Variants in THSD4 observed in about 807,000 individuals in gnomAD.
THSD4 encodes thrombospondin type 1 domain containing 4.
THSD4 carries 69 observed loss-of-function variants against 119.0 expected under a neutral mutation model. The observed-to-expected ratio is 0.58, with a 90% confidence interval of 0.48 to 0.71. The LOEUF is 0.71. Ranked by LOEUF, THSD4 falls within the 30% of genes least tolerant of loss-of-function variation. THSD4 has a pLI of 0.00. For missense variants in THSD4, 1,393 were observed against 1,391.1 expected (o/e 1.00, Z -0.02); for synonymous variants, 524 against 540.4 (o/e 0.97, Z 0.42).
intron 7 of THSD4, among the ~76,000 whole-genome samples, chr15:71,496,909 A>G (rs2048025589): frequency 6.6e-6 from 1 of 152,164 alleles, no homozygotes; most frequent in African/African-American, 2.4e-5. Flanking sequence ...AATGAGATCA[A>G]CCGCTCCAGG....
chr15:71,358,007 A>G (rs774165907), intron 6 of THSD4, among the ~76,000 whole-genome samples: 2 of 152,212 alleles, frequency 1.3e-5, no homozygotes, highest in African/African-American at 2.4e-5. Flanking sequence ...GGACTCAGCT[A>G]TAGACATGAG....
At chr15:71,510,708 G>A (rs2048269803) in intron 7 of THSD4, among the ~76,000 whole-genome samples, 1 of 152,178 alleles carries the variant, frequency 6.6e-6, no homozygotes, top group African/African-American at 2.4e-5. Flanking sequence ...ACGGACCACG[G>A]TCTCTCTACA....
rs573889404 is a variant in THSD4 at position 71,398,332 on chromosome 15, A to G, written c.1016-13355A>G. ...AGGAGTGGTGGGAAAGGAGGAGTATAAAGCTACAACAGGTTCTTGAAGGGA... is the reference window on the plus strand; with the variant it reads ...AGGAGTGGTGGGAAAGGAGGAGTATGAAGCTACAACAGGTTCTTGAAGGGA... On this transcript the variant is annotated intron_variant, in intron 6 of 17. Transcript: ENST00000261862. Among the ~76,000 whole-genome samples, 63 of 152,226 alleles carry G rather than the reference A, an allele frequency of 4.1e-4. 2 individuals are homozygous for G. The highest frequency in any genetic ancestry group is 3.7e-3 in the Admixed American group (56 of 15,292).
chr15:71,314,200 G>A (rs2045154154), intron 6 of THSD4, among the ~76,000 whole-genome samples: 1 of 151,774 alleles, frequency 6.6e-6, no homozygotes, highest in African/African-American at 2.4e-5. Flanking sequence ...ATTATATCTT[G>A]ATTTTTTTTT....
At chr15:71,450,163 C>G (rs2047242198) in intron 7 of THSD4, among the ~76,000 whole-genome samples, 9 of 152,168 alleles carry the variant, frequency 5.9e-5, no homozygotes, top group Admixed American at 5.9e-4. Flanking sequence ...TTGCTTCTTT[C>G]ACTAACCCGC....
In THSD4 at chr15:71,781,523, T is replaced by G. The variant is rs2053998478; in HGVS notation, c.*4149T>G. On this transcript the variant is annotated 3_prime_UTR_variant, in exon 18 of 18. Transcript: ENST00000261862. ...ATCTATAATAACATCAGTTTATCAATGCCCCGTCCTGATGAAGTGTGCAGA... is the reference window on the plus strand; with the variant it reads ...ATCTATAATAACATCAGTTTATCAAGGCCCCGTCCTGATGAAGTGTGCAGA... The G allele has an allele frequency of 6.6e-6, 1 of 152,302 alleles. No individual in the cohort carries two copies. The highest frequency in any genetic ancestry group is 2.4e-5 in the African/African-American group (1 of 41,442). The allele number at this position is 152,302 out of a possible 1,614,324, so 9.4% of individuals were successfully genotyped here. A position where few individuals can be genotyped will look rare whatever the true frequency, so the allele number is the denominator to read the frequency against.
intron 1 of THSD4, among the ~76,000 whole-genome samples, chr15:71,102,824 C>A (rs2040258607): frequency 1.3e-5 from 2 of 152,130 alleles, no homozygotes; most frequent in African/African-American, 4.8e-5. Context: ...CCTTGGCCTC[C>A]CAAAGTGCTG....
At chr15:71,411,909 G>A in intron 7 of THSD4, 86 bp downstream of exon 7, 1 of 1,559,446 alleles carries the variant, frequency 6.4e-7, no homozygotes, top group Non-Finnish European at 8.7e-7. Flanking sequence ...AGACTAGGCT[G>A]CTAGCTCCCC....
At chr15:71,144,048 C>T (rs2040632784) in intron 2 of THSD4, among the ~76,000 whole-genome samples, 1 of 152,168 alleles carries the variant, frequency 6.6e-6, no homozygotes, top group South Asian at 2.1e-4. Flanking sequence ...TGTGGTGGAG[C>T]TCTGGAAGCC....
chr15:71,775,710 C>CA (rs977332290), intron 17 of THSD4, among the ~76,000 whole-genome samples: 114 of 150,932 alleles, frequency 7.6e-4, no homozygotes, highest in African/African-American at 2.4e-3. Context: ...GACTCCGTCT[C>CA]AAAAAAAATA....
intron 7 of THSD4, among the ~76,000 whole-genome samples, chr15:71,430,759 G>GAA (rs397719477): frequency 0.015 from 1,229 of 82,918 alleles, 56 homozygotes; most frequent in Middle Eastern, 0.036. Context: ...TCTGTCTCAA[G>GAA]AAAAAAAAAA....
chr15:71,218,183 C>T (rs1385361301), intron 4 of THSD4, among the ~76,000 whole-genome samples: 4 of 152,168 alleles, frequency 2.6e-5, no homozygotes, highest in Non-Finnish European at 4.4e-5. Flanking sequence ...CCCAGGCCAT[C>T]GTGGCTCTAA....
At chr15:71,606,845 T>C (rs974695828) in intron 7 of THSD4, among the ~76,000 whole-genome samples, 2 of 152,156 alleles carry the variant, frequency 1.3e-5, no homozygotes, top group African/African-American at 4.8e-5. Context: ...CAGCCTCAAA[T>C]GGCAATTGTA....
intron 2 of THSD4, among the ~76,000 whole-genome samples, chr15:71,143,331 T>G (rs1031172069): frequency 4.6e-5 from 7 of 152,030 alleles, no homozygotes; most frequent in Non-Finnish European, 1.0e-4. Context: ...GAAATATGCA[T>G]CTAGTTTGTG....
chr15:71,451,684 C>T lies in THSD4; in HGVS notation c.1152+39861C>T, dbSNP rs142158659. Among the ~76,000 whole-genome samples, 150 of 152,274 alleles carry T rather than the reference C, an allele frequency of 9.9e-4. 1 individual carries two copies. The highest frequency in any genetic ancestry group is 3.5e-3 in the African/African-American group (144 of 41,548). On this transcript the variant is annotated intron_variant, in intron 7 of 17. Transcript: ENST00000261862. ...AGCTAGTCCTTTCTGGTTTAGATGT[C>T]ACTTCTGGACTAGGCCTGTTTTGGA...
chr15:71,266,932 G>A (rs1306573662), intron 6 of THSD4, among the ~76,000 whole-genome samples: 11 of 151,916 alleles, frequency 7.2e-5, no homozygotes. Context: ...GAAAAGGAAT[G>A]AACAAAGCCT....
chr15:71,485,278 C>G (rs916277246), intron 7 of THSD4, among the ~76,000 whole-genome samples: 1 of 152,158 alleles, frequency 6.6e-6, no homozygotes, highest in Non-Finnish European at 1.5e-5. Flanking sequence ...GAAATGAGTT[C>G]TAGGCCAAGC....
chr15:71,392,040 T>C (rs576908962), intron 6 of THSD4, among the ~76,000 whole-genome samples: 2 of 152,286 alleles, frequency 1.3e-5, no homozygotes, highest in African/African-American at 4.8e-5. Context: ...CATGTTTCTA[T>C]GATAATTTTC....
chr15:71,773,153 A>G (rs371418507), intron 17 of THSD4, among the ~76,000 whole-genome samples: 8 of 147,638 alleles, frequency 5.4e-5, no homozygotes, highest in African/African-American at 7.6e-5. Flanking sequence ...GTGAGGTGCA[A>G]TCGCACCACT....
Sources: allele counts gnomAD v4.1 joint callset (sites outside exome capture counted in the v4.1 genomes callset), GRCh38; gene constraint gnomAD v4.1.1; transcripts MANE v1.5; gene names NCBI Gene and HGNC (gene_info 2026-07-23, HGNC 2026-07-21).